The following PXT1 variants were observed in gnomAD, a reference collection of about 807,000 sequenced individuals.
PXT1 encodes the protein peroxisomal testis-specific protein 1.
A neutral mutation model predicts 11.0 loss-of-function variants in PXT1; 11 were observed. That is an observed-to-expected ratio of 1.00 (90% CI 0.63 to 1.66). PXT1 has a LOEUF of 1.66. PXT1 is among the 40% of genes most tolerant of loss of function. The probability of loss-of-function intolerance (pLI) is 0.00; values close to 1 mark genes in which losing one functional copy is unlikely to be tolerated. For synonymous variants in PXT1, 43 were observed against 51.4 expected (o/e 0.84, Z 0.70); for missense variants, 141 against 155.5 (o/e 0.91, Z 0.49).
chr6:36,434,526 T>C (rs1774735982), intron 2 of PXT1, among the ~76,000 whole-genome samples: 1 of 152,188 alleles, frequency 6.6e-6, no homozygotes, highest in Non-Finnish European at 1.5e-5. Flanking sequence ...CCAAATGAGG[T>C]AGCCATTATA....
intron 4 of PXT1, among the ~76,000 whole-genome samples, chr6:36,397,832 T>A (rs1452291219): frequency 6.6e-6 from 1 of 151,966 alleles, no homozygotes; most frequent in Non-Finnish European, 1.5e-5. Context: ...AGGGCCTGTC[T>A]CTACAAAAAA....
intron 3 of PXT1, among the ~76,000 whole-genome samples, chr6:36,403,843 G>A (rs902639322): frequency 6.6e-6 from 1 of 152,184 alleles, no homozygotes; most frequent in Non-Finnish European, 1.5e-5. Context: ...ACTCCAGCCT[G>A]GGTGACAGAG....
chr6:36,422,897 A>G (rs1774542802), intron 3 of PXT1, among the ~76,000 whole-genome samples: 1 of 152,080 alleles, frequency 6.6e-6, no homozygotes, highest in African/African-American at 2.4e-5. Context: ...AAATCACTCC[A>G]TTCCCGCACA....
chr6:36,441,492 G>A (rs962878672), intron 1 of PXT1, among the ~76,000 whole-genome samples: 3 of 152,152 alleles, frequency 2.0e-5, no homozygotes, highest in African/African-American at 7.2e-5. Flanking sequence ...AAGTGAAAAG[G>A]CCACTCACTT....
chr6:36,441,267 G>T (rs574787681), intron 1 of PXT1, among the ~76,000 whole-genome samples: 1 of 152,288 alleles, frequency 6.6e-6, no homozygotes, highest in East Asian at 1.9e-4. Context: ...TTATAAAAAT[G>T]GAAATAAAGG....
intron 4 of PXT1, among the ~76,000 whole-genome samples, chr6:36,395,880 G>A (rs566863488): frequency 6.6e-6 from 1 of 152,178 alleles, no homozygotes; most frequent in African/African-American, 2.4e-5. Flanking sequence ...GTGGGCAACT[G>A]TGGTCCCAGC....
intron 3 of PXT1, 109 bp downstream of exon 3, chr6:36,425,805 A>AAACAAACAAACAAAAAAAAAT (rs1554154141): frequency 3.1e-6 from 1 of 321,510 alleles, no homozygotes; most frequent in African/African-American, 2.3e-5. Context: ...AAAAACAAAA[A>AAACAAACAAACAAAAAAAAAT]ATATATATAT....
At chr6:36,396,217 C>A (rs1774142366) in intron 4 of PXT1, among the ~76,000 whole-genome samples, 1 of 152,190 alleles carries the variant, frequency 6.6e-6, no homozygotes, top group Non-Finnish European at 1.5e-5. Flanking sequence ...CCAATGATGG[C>A]AATGGCTGCT....
chr6:36,439,329 T>G (rs1010116822), intron 1 of PXT1, among the ~76,000 whole-genome samples: 7 of 150,568 alleles, frequency 4.6e-5, no homozygotes, highest in Non-Finnish European at 7.4e-5. Flanking sequence ...TCATATAAGG[T>G]GGCTGGGAGT....
intron 4 of PXT1, among the ~76,000 whole-genome samples, chr6:36,399,685 G>A (rs1347389360): frequency 6.6e-6 from 1 of 152,114 alleles, no homozygotes; most frequent in Non-Finnish European, 1.5e-5. Flanking sequence ...CTGCCACCCC[G>A]TCTGTCACAA....
In PXT1 at chr6:36,425,796, A is replaced by AAAACAAAAACAAACAAAC. The variant is rs747980278; in HGVS notation, c.169+117_169+118insGTTTGTTTGTTTTTGTTT. 2.4e-3 allele frequency: 699 copies of AAAACAAAAACAAACAAAC among 292,416 alleles called. 5 individuals are homozygous for AAAACAAAAACAAACAAAC. Among genetic ancestry groups the AAAACAAAAACAAACAAAC allele is most frequent in the African/African-American group, 0.02 (638 of 32,210 alleles). The allele number at this position is 292,416 out of a possible 1,614,324, so 18.1% of individuals were successfully genotyped here. A position where few individuals can be genotyped will look rare whatever the true frequency, so the allele number is the denominator to read the frequency against. On this transcript the variant is annotated intron_variant, in intron 3 of 4. Transcript: ENST00000454782. ...GAGCGAGACTCTGTCTCAAAAAACA[A>AAAACAAAAACAAACAAAC]AAACAAAAAATATATATATATATAT... is the stretch of plus-strand genomic sequence containing the variant.
At chr6:36,399,502 G>A (rs1376549130) in intron 4 of PXT1, among the ~76,000 whole-genome samples, 1 of 152,176 alleles carries the variant, frequency 6.6e-6, no homozygotes, top group Non-Finnish European at 1.5e-5. Flanking sequence ...TTTGTCTCCA[G>A]GATGTTTTAT....
At chr6:36,441,944 G>C (rs1409974676) in intron 1 of PXT1, among the ~76,000 whole-genome samples, 1 of 152,058 alleles carries the variant, frequency 6.6e-6, no homozygotes, top group Non-Finnish European at 1.5e-5. Context: ...TTTTCAGAGA[G>C]TCTCTTGTAA....
intron 3 of PXT1, among the ~76,000 whole-genome samples, chr6:36,419,650 A>G (rs1029688580): frequency 6.6e-6 from 1 of 152,218 alleles, no homozygotes; most frequent in East Asian, 1.9e-4. Context: ...TATACATAGG[A>G]AGTACTCAAT....
chr6:36,427,442 G>A (rs1284659790), intron 2 of PXT1, among the ~76,000 whole-genome samples: 1 of 152,168 alleles, frequency 6.6e-6, no homozygotes, highest in African/African-American at 2.4e-5. Flanking sequence ...GGGAAAGAAT[G>A]GCTAAGACCA....
At chr6:36,404,710 C>A (rs1453295409) in intron 3 of PXT1, among the ~76,000 whole-genome samples, 1 of 151,712 alleles carries the variant, frequency 6.6e-6, no homozygotes, top group Admixed American at 6.6e-5. Context: ...GTAATCCCAG[C>A]ACTTTGGGAG....
intron 3 of PXT1, among the ~76,000 whole-genome samples, chr6:36,401,974 G>GTATATA (rs1337640354): frequency 1.4e-5 from 2 of 145,718 alleles, no homozygotes; most frequent in Non-Finnish European, 3.0e-5. Flanking sequence ...ATATATATAT[G>GTATATA]TATATATATA....
At chr6:36,440,275 T>A (rs910525982) in intron 1 of PXT1, among the ~76,000 whole-genome samples, 1 of 152,216 alleles carries the variant, frequency 6.6e-6, no homozygotes, top group African/African-American at 2.4e-5. Context: ...TTTTTATTCT[T>A]AAGAGTCAAC....
rs903433939 is a variant in PXT1, at chr6:36,390,914, C to T, written c.*856G>A. ...TCAGGTCTTACATTCTTCTAGAAGG[C>T]AGGACTGTTGGCCAAGGACTAAGCA... On this transcript the variant is annotated 3_prime_UTR_variant, in exon 5 of 5. Transcript: ENST00000454782. 6.6e-6 allele frequency: 1 copy of T among 152,210 alleles called. No individual in the cohort carries two copies. Among genetic ancestry groups the T allele is most frequent in the Admixed American group, 6.5e-5 (1 of 15,278 alleles). 9.4% of individuals were successfully genotyped at this position (152,210 alleles called of 1,614,324 possible).
Sources: gnomAD v4.1 joint callset for allele counts (sites outside exome capture counted in the v4.1 genomes callset) on GRCh38, gnomAD v4.1.1 for gene constraint, MANE v1.5 for transcripts, NCBI Gene and HGNC (gene_info 2026-07-23, HGNC 2026-07-21) for gene names.